Variants in KIAA0513 observed in about 807,000 individuals in gnomAD.
KIAA0513 encodes the protein KIAA0513.
A neutral mutation model predicts 56.5 loss-of-function variants in KIAA0513; 39 were observed. The ratio of observed to expected loss-of-function variants is 0.69; its 90% CI spans 0.53 to 0.90. KIAA0513 has a LOEUF of 0.90. Ranked by LOEUF, KIAA0513 falls within the 40% of genes least tolerant of loss-of-function variation. KIAA0513 has a pLI of 0.00. For synonymous variants in KIAA0513, 268 were observed against 215.6 expected (o/e 1.24, Z -2.13); for missense variants, 591 against 535.2 (o/e 1.10, Z -1.03).
chr16:85,072,258 G>C (rs986801856), intron 3 of KIAA0513, among the ~76,000 whole-genome samples: 2 of 152,130 alleles, frequency 1.3e-5, no homozygotes, highest in Non-Finnish European at 2.9e-5. Context: ...GCACTTCAAG[G>C]GAAAGAGTAA....
intron 1 of KIAA0513, among the ~76,000 whole-genome samples, chr16:85,030,662 G>A (rs1400662471): frequency 6.6e-6 from 1 of 151,674 alleles, no homozygotes; most frequent in Non-Finnish European, 1.5e-5. Context: ...CAGAATCACT[G>A]GAACCCAGGA....
In KIAA0513 at chr16:85,070,935, G is replaced by T. The variant is rs147949752; in HGVS notation, c.330-848G>T. Among the ~76,000 whole-genome samples the T allele has an allele frequency of 5.0e-3, 769 of 152,306 alleles. 4 individuals carry two copies. The highest frequency in any genetic ancestry group is 0.01 in the Middle Eastern group (3 of 294). On this transcript the variant is annotated intron_variant, in intron 2 of 12. Transcript: ENST00000683363. Reference sequence around the variant, plus strand: ...CAGATGCATCTTCACAAGCGTTCCAGAAATTACTGCAAAAGCCTGCAGATA... The same window carrying T: ...CAGATGCATCTTCACAAGCGTTCCATAAATTACTGCAAAAGCCTGCAGATA...
intron 1 of KIAA0513, among the ~76,000 whole-genome samples, chr16:85,046,569 C>T (rs1221823603): frequency 6.6e-6 from 1 of 152,222 alleles, no homozygotes; most frequent in East Asian, 1.9e-4. Flanking sequence ...GATGGACGGC[C>T]CGTCTGTAGG....
chr16:85,069,394 GC>G (rs2073538938), intron 2 of KIAA0513, among the ~76,000 whole-genome samples: 1 of 152,188 alleles, frequency 6.6e-6, no homozygotes, highest in Admixed American at 6.5e-5. Context: ...TTCAGAAGCA[GC>G]TGTTTGCATG....
At chr16:85,032,165 G>A (rs969422845) in intron 1 of KIAA0513, among the ~76,000 whole-genome samples, 1 of 152,162 alleles carries the variant, frequency 6.6e-6, no homozygotes, top group African/African-American at 2.4e-5. Flanking sequence ...CCGGTGATCC[G>A]TGTTGTCCCC....
intron 1 of KIAA0513, among the ~76,000 whole-genome samples, chr16:85,034,575 C>A (rs984577335): frequency 3.3e-5 from 5 of 152,086 alleles, no homozygotes; most frequent in African/African-American, 1.2e-4. Flanking sequence ...TTTGCCCTGT[C>A]CAGGGCAAGT....
At chr16:85,080,704 G>T (rs2073730941) in intron 8 of KIAA0513, among the ~76,000 whole-genome samples, 1 of 152,216 alleles carries the variant, frequency 6.6e-6, no homozygotes, top group Non-Finnish European at 1.5e-5. Flanking sequence ...TGAGGCAGGA[G>T]AATGCTTGAA....
intron 10 of KIAA0513, among the ~76,000 whole-genome samples, chr16:85,085,176 G>A (rs2073794305): frequency 6.6e-6 from 1 of 152,228 alleles, no homozygotes; most frequent in South Asian, 2.1e-4. Flanking sequence ...CTGTTTCGGG[G>A]AAAGACAGTA....
intron 1 of KIAA0513, among the ~76,000 whole-genome samples, chr16:85,035,152 G>A (rs1320227830): frequency 1.3e-5 from 2 of 152,190 alleles, no homozygotes; most frequent in Non-Finnish European, 2.9e-5. Flanking sequence ...CTCCGAGCAT[G>A]GCCATGGTGG....
intron 1 of KIAA0513, among the ~76,000 whole-genome samples, chr16:85,052,997 C>T (rs537189946): frequency 6.6e-6 from 1 of 152,260 alleles, no homozygotes; most frequent in South Asian, 2.1e-4. Context: ...AAGCGATTCT[C>T]TTGCCTCAGC....
intron 1 of KIAA0513, among the ~76,000 whole-genome samples, chr16:85,028,782 G>T (rs2072923352): frequency 6.6e-6 from 1 of 152,200 alleles, no homozygotes; most frequent in South Asian, 2.1e-4. Flanking sequence ...TCCAGATTGA[G>T]CAGGAACAGC....
At chr16:85,037,967 T>C (rs1345358228) in intron 1 of KIAA0513, among the ~76,000 whole-genome samples, 1 of 152,204 alleles carries the variant, frequency 6.6e-6, no homozygotes, top group Non-Finnish European at 1.5e-5. Flanking sequence ...CTCCACACAG[T>C]GGCCAGAGTG....
Position 85,057,773 on chromosome 16 carries a change from T to G in KIAA0513, c.-172-9127T>G, listed in dbSNP as rs550379774. Among the ~76,000 whole-genome samples, 22 of 151,878 alleles carry G rather than the reference T, an allele frequency of 1.4e-4. No individual in the cohort carries two copies. The South Asian group carries it at 3.1e-3, about 22-fold the overall frequency. ...CTGCCTCTGCTTTTTGTTTTTGTTT[T>G]TTTTTTTTTTCTCTCTCTCTCCTTT... On this transcript the variant is annotated intron_variant, in intron 1 of 12. Coordinates refer to ENST00000683363, the MANE Select transcript of KIAA0513 (RefSeq NM_001388359.1).
chr16:85,047,819 C>A (rs1006097012), intron 1 of KIAA0513, among the ~76,000 whole-genome samples: 36 of 152,172 alleles, frequency 2.4e-4, no homozygotes, highest in African/African-American at 8.7e-4. Context: ...GCTGGGGATA[C>A]CAGGGTCAGG....
chr16:85,054,722 GC>G (rs754331982), intron 1 of KIAA0513, among the ~76,000 whole-genome samples: 3 of 151,850 alleles, frequency 2.0e-5, no homozygotes, highest in Non-Finnish European at 4.4e-5. Context: ...GAGCCACCAC[GC>G]CCAGCCAAAA....
In KIAA0513 at chr16:85,077,644, C is replaced by T. The variant is rs2073677449; in HGVS notation, c.782+12C>T. On this transcript the variant is annotated intron_variant, in intron 6 of 12. Coordinates refer to ENST00000683363, the MANE Select transcript of KIAA0513 (RefSeq NM_001388359.1). Reference sequence around the variant, plus strand: ...GCCAGGAGGAACGAGTACGTGTGGCCTTGGGGTCCCTCCCACCTGCAGGGG... The same window carrying T: ...GCCAGGAGGAACGAGTACGTGTGGCTTTGGGGTCCCTCCCACCTGCAGGGG... 1.9e-6 allele frequency: 3 copies of T among 1,586,824 alleles called. No individual in the cohort carries two copies. Among genetic ancestry groups the T allele is most frequent in the Non-Finnish European group, 1.7e-6 (2 of 1,162,656 alleles).
chr16:85,092,304 A>G lies in KIAA0513; in HGVS notation c.*3979A>G, dbSNP rs1194630329. 3.9e-5 allele frequency: 6 copies of G among 152,174 alleles called. No individual in the cohort carries two copies. The highest frequency in any genetic ancestry group is 1.4e-4 in the African/African-American group (6 of 41,394). 9.4% of individuals were successfully genotyped at this position (152,174 alleles called of 1,614,324 possible). ...CCCGTGTGGTTAGATCAGCTTTGTT[A>G]CTGAATTACCTAAAACCAGACCACA... On this transcript the variant is annotated 3_prime_UTR_variant, in exon 13 of 13. Coordinates refer to ENST00000683363, the MANE Select transcript of KIAA0513 (RefSeq NM_001388359.1).
intron 1 of KIAA0513, among the ~76,000 whole-genome samples, chr16:85,047,484 C>G (rs567491241): frequency 1.3e-3 from 191 of 152,288 alleles, no homozygotes; most frequent in African/African-American, 4.5e-3. Flanking sequence ...TGTGGCCAAG[C>G]AAGAAGAGGA....
intron 8 of KIAA0513, 30 bp downstream of exon 8, chr16:85,079,033 C>G (rs376989218): frequency 3.1e-6 from 5 of 1,614,058 alleles, no homozygotes; most frequent in Non-Finnish European, 4.2e-6. Context: ...TTCCCGTCAC[C>G]CTCTTACTGA....
Sources: allele counts gnomAD v4.1 joint callset (sites outside exome capture counted in the v4.1 genomes callset), GRCh38; gene constraint gnomAD v4.1.1; transcripts MANE v1.5; gene names NCBI Gene and HGNC (gene_info 2026-07-23, HGNC 2026-07-21).